ADGRL3: variants seen among roughly 807,000 people sequenced by gnomAD.
ADGRL3 encodes calcium-independent alpha-latrotoxin receptor 3.
In ADGRL3, 62 loss-of-function variants were observed where a neutral mutation model predicts 153.5. That is an observed-to-expected ratio of 0.40 (90% CI 0.33 to 0.50). ADGRL3 has a LOEUF of 0.50. ADGRL3 is among the 20% of genes least tolerant of loss of function. The probability of loss-of-function intolerance (pLI) is 0.47; values close to 1 mark genes in which losing one functional copy is unlikely to be tolerated. For synonymous variants in ADGRL3, 710 were observed against 672.5 expected, an observed-to-expected ratio of 1.06 and a Z score of -0.86; for missense variants, 1,641 against 1,859.4, an observed-to-expected ratio of 0.88 and a Z score of 2.16.
intron 1 of ADGRL3, among the ~76,000 whole-genome samples, chr4:61,374,519 A>C (rs951585858): frequency 1.3e-5 from 2 of 152,160 alleles, no homozygotes; most frequent in Admixed American, 1.3e-4. Flanking sequence ...ACTGTGGAAC[A>C]TGAAGCACAT....
chr4:61,663,789 A>T (rs1295263431), intron 5 of ADGRL3, among the ~76,000 whole-genome samples: 3 of 152,224 alleles, frequency 2.0e-5, no homozygotes, highest in Non-Finnish European at 4.4e-5. Flanking sequence ...AGTTATGAAG[A>T]CTATGTTTCA....
intron 8 of ADGRL3, among the ~76,000 whole-genome samples, chr4:61,753,867 TATG>T (rs958882833): frequency 6.6e-6 from 1 of 152,192 alleles, no homozygotes; most frequent in African/African-American, 2.4e-5. Flanking sequence ...CCCTGGAACT[TATG>T]ATAAGGAATC....
chr4:61,756,005 C>T (rs2096825456), intron 8 of ADGRL3, among the ~76,000 whole-genome samples: 1 of 152,138 alleles, frequency 6.6e-6, no homozygotes, highest in Admixed American at 6.6e-5. Context: ...CAGTACCATG[C>T]TGTTTTGGTT....
chr4:62,052,573 G>A (rs1245522185), intron 25 of ADGRL3, among the ~76,000 whole-genome samples: 3 of 151,258 alleles, frequency 2.0e-5, no homozygotes, highest in Non-Finnish European at 4.4e-5. Flanking sequence ...ATATATTATT[G>A]TCCAATTGTA....
intron 1 of ADGRL3, among the ~76,000 whole-genome samples, chr4:61,239,958 A>G (rs1551049): frequency 0.28 from 42,990 of 151,984 alleles, 6,812 homozygotes; most frequent in East Asian, 0.39. Flanking sequence ...TTATTTGGCA[A>G]TAACTTCGGT....
intron 5 of ADGRL3, among the ~76,000 whole-genome samples, chr4:61,628,339 G>A (rs2092955643): frequency 6.6e-6 from 1 of 152,170 alleles, no homozygotes; most frequent in African/African-American, 2.4e-5. Context: ...AATCTGATCA[G>A]CCTTGCTGGT....
chr4:61,788,209 C>T (rs1038345615), intron 8 of ADGRL3, among the ~76,000 whole-genome samples: 1 of 152,188 alleles, frequency 6.6e-6, no homozygotes, highest in Non-Finnish European at 1.5e-5. Context: ...TCCCATGTGA[C>T]AACTTTACTG....
chr4:61,374,556 T>C (rs2096581282), intron 1 of ADGRL3, among the ~76,000 whole-genome samples: 1 of 152,124 alleles, frequency 6.6e-6, no homozygotes. Flanking sequence ...CTGAAGATTT[T>C]CTGCTTGAAA....
chr4:61,693,277 A>T (rs993436703), intron 6 of ADGRL3, among the ~76,000 whole-genome samples: 4 of 152,074 alleles, frequency 2.6e-5, no homozygotes, highest in Admixed American at 6.6e-5. Flanking sequence ...AAAGTAACCA[A>T]ATTAAACAGT....
chr4:61,584,331 C>T (rs2098937778), intron 4 of ADGRL3, among the ~76,000 whole-genome samples: 1 of 151,872 alleles, frequency 6.6e-6, no homozygotes, highest in Non-Finnish European at 1.5e-5. Flanking sequence ...TAAAAATTGC[C>T]ATACCCATAA....
intron 25 of ADGRL3, among the ~76,000 whole-genome samples, chr4:62,046,876 A>G (rs991318759): frequency 6.6e-6 from 1 of 151,554 alleles, no homozygotes; most frequent in African/African-American, 2.4e-5. Flanking sequence ...TTGTTTCTTC[A>G]TATTATGTCT....
intron 2 of ADGRL3, among the ~76,000 whole-genome samples, chr4:61,436,685 A>T (rs2097450254): frequency 6.6e-6 from 1 of 152,144 alleles, no homozygotes; most frequent in South Asian, 2.1e-4. Context: ...AGTGGTGTGA[A>T]ACATCATGGT....
chr4:61,341,842 G>A (rs754081878), intron 1 of ADGRL3, among the ~76,000 whole-genome samples: 10 of 152,004 alleles, frequency 6.6e-5, no homozygotes, highest in South Asian at 2.1e-4. Flanking sequence ...TGATGCACTC[G>A]TGTTTGGTGG....
At chr4:61,754,922 A>T (rs2096804084) in intron 8 of ADGRL3, among the ~76,000 whole-genome samples, 1 of 152,132 alleles carries the variant, frequency 6.6e-6, no homozygotes, top group African/African-American at 2.4e-5. Flanking sequence ...TACCAGCTTC[A>T]TGCATGTCCC....
chr4:61,912,032 A>G (rs1458764171), intron 12 of ADGRL3, among the ~76,000 whole-genome samples: 1 of 152,214 alleles, frequency 6.6e-6, no homozygotes, highest in Non-Finnish European at 1.5e-5. Flanking sequence ...ACAAACAAAC[A>G]GAAATATACT....
intron 6 of ADGRL3, among the ~76,000 whole-genome samples, chr4:61,707,355 C>T (rs1346884957): frequency 6.6e-6 from 1 of 152,016 alleles, no homozygotes; most frequent in African/African-American, 2.4e-5. Flanking sequence ...TTCTGGGTTG[C>T]CACAAACCTT....
intron 8 of ADGRL3, among the ~76,000 whole-genome samples, chr4:61,778,633 A>T (rs2097179883): frequency 6.6e-6 from 1 of 152,246 alleles, no homozygotes; most frequent in Non-Finnish European, 1.5e-5. Flanking sequence ...CTTGGAAGGA[A>T]TAGGTGGGTA....
chr4:61,860,844 C>A, intron 9 of ADGRL3, among the ~76,000 whole-genome samples: 1 of 152,068 alleles, frequency 6.6e-6, no homozygotes, highest in East Asian at 1.9e-4. Flanking sequence ...CCACAAATAA[C>A]AAAACTGAGC....
intron 8 of ADGRL3, among the ~76,000 whole-genome samples, chr4:61,805,628 G>C (rs2097545267): frequency 6.6e-6 from 1 of 152,072 alleles, no homozygotes; most frequent in Non-Finnish European, 1.5e-5. Context: ...TTTCAGTTCT[G>C]TTAAATAGAT....
Sources: allele counts gnomAD v4.1 joint callset (sites outside exome capture counted in the v4.1 genomes callset), GRCh38; gene constraint gnomAD v4.1.1; transcripts MANE v1.5; gene names NCBI Gene and HGNC (gene_info 2026-07-23, HGNC 2026-07-21).